PKD1L1: variants seen among roughly 807,000 people sequenced by gnomAD.
The protein encoded by PKD1L1 is polycystin 1 like 1, transient receptor potential channel interacting, also known as polycystin-1-like protein 1.
A neutral mutation model predicts 323.4 loss-of-function variants in PKD1L1; 236 were observed. The observed-to-expected ratio is 0.73, with a 90% CI of 0.66 to 0.81. The LOEUF is 0.81. Ranked by LOEUF, PKD1L1 falls within the 40% of genes least tolerant of loss-of-function variation. The probability of loss-of-function intolerance (pLI) is 0.00; values close to 1 mark genes in which losing one functional copy is unlikely to be tolerated. For missense variants in PKD1L1, 3,320 were observed against 3,508.0 expected, an observed-to-expected ratio of 0.95 and a Z score of 1.35; for synonymous variants, 1,344 against 1,335.0, an observed-to-expected ratio of 1.01 and a Z score of -0.15.
chr7:47,865,980 T>C (rs1441932213), intron 25 of PKD1L1, among the ~76,000 whole-genome samples: 2 of 152,212 alleles, frequency 1.3e-5, no homozygotes, highest in Non-Finnish European at 2.9e-5. Context: ...TGAAATAAGA[T>C]ATATTCTTTG....
intron 14 of PKD1L1, among the ~76,000 whole-genome samples, chr7:47,895,072 A>T (rs1435529282): frequency 6.6e-6 from 1 of 152,130 alleles, no homozygotes; most frequent in Non-Finnish European, 1.5e-5. Flanking sequence ...CTCCAGCTCC[A>T]AGGAGCTGCT....
chr7:47,902,385 T>G lies in PKD1L1; in HGVS notation c.2058A>C (p.Lys686Asn). Residue 686 changes from lysine to asparagine, a missense_variant, in exon 13 of 57, where the codon AAA (lysine) becomes AAC (asparagine). By Grantham distance (94) the Lys-to-Asn change is moderately conservative. Transcript: ENST00000289672. ...PPLVKNMGPGKVQIWRSQPVR... is the reference protein window; with the variant it reads ...PPLVKNMGPGNVQIWRSQPVR... ...TCCCAGACTCCGAGCCTACCTGGAC[T>G]TTCCCAGGCCCCATGTTCTTCACCA... The G allele has an allele frequency of 6.2e-7, 1 of 1,614,100 alleles. No individual in the cohort carries two copies. The highest frequency in any genetic ancestry group is 8.5e-7 in the Non-Finnish European group (1 of 1,179,986).
rs750076751 is a variant in PKD1L1 at position 47,827,443 on chromosome 7, C to T, written c.6761G>A (p.Arg2254His). Reference protein sequence around the residue: ...EKVLAARQQARHLRWAHPPSK... With the variant: ...EKVLAARQQAHHLRWAHPPSK... Reference sequence around the variant, plus strand: ...TGGTGGATGCGCCCAGCGCAGGTGGCGAGCTTGTTGTCGGGCAGCCAAGAC... The same window carrying T: ...TGGTGGATGCGCCCAGCGCAGGTGGTGAGCTTGTTGTCGGGCAGCCAAGAC... Residue 2254 changes from arginine to histidine, a missense_variant, in exon 45 of 57, where the codon CGC becomes CAC. Transcript: ENST00000289672. 1.4e-5 allele frequency: 23 copies of T among 1,610,768 alleles called. No homozygotes were observed. The highest frequency in any genetic ancestry group is 9.3e-5 in the African/African-American group (7 of 74,926).
intron 54 of PKD1L1, among the ~76,000 whole-genome samples, chr7:47,796,437 C>T (rs975696454): frequency 6.6e-6 from 1 of 152,138 alleles, no homozygotes; most frequent in African/African-American, 2.4e-5. Flanking sequence ...GATGTGCATG[C>T]CCATATGTAA....
At chr7:47,915,743 T>C in intron 7 of PKD1L1, 144 bp from the exon 8 acceptor site, 1 of 535,250 alleles carries the variant, frequency 1.9e-6, no homozygotes, top group South Asian at 2.8e-5. Flanking sequence ...GAAAAAGAAA[T>C]ACAACGAAAT....
intron 41 of PKD1L1, 99 bp downstream of exon 41, chr7:47,832,991 C>T (rs1785378336): frequency 1.4e-6 from 2 of 1,432,842 alleles, no homozygotes; most frequent in African/African-American, 1.4e-5. Flanking sequence ...TATTCAGTGA[C>T]ATTTGGCCCA....
intron 15 of PKD1L1, among the ~76,000 whole-genome samples, chr7:47,892,115 T>C (rs967518304): frequency 6.6e-6 from 1 of 152,098 alleles, no homozygotes; most frequent in Non-Finnish European, 1.5e-5. Flanking sequence ...GCAGTGACCA[T>C]AGTAAGTGAG....
At chr7:47,820,315 T>G (rs745633102) in intron 46 of PKD1L1, among the ~76,000 whole-genome samples, 1 of 152,264 alleles carries the variant, frequency 6.6e-6, no homozygotes, top group Non-Finnish European at 1.5e-5. Flanking sequence ...GAAATTTTTC[T>G]GCTTTACACT....
chr7:47,797,629 G>A (rs547543128), intron 54 of PKD1L1, among the ~76,000 whole-genome samples: 22 of 152,286 alleles, frequency 1.4e-4, no homozygotes, highest in African/African-American at 5.3e-4. Context: ...GACATTCAAG[G>A]CCCTCCATTC....
intron 46 of PKD1L1, chr7:47,819,506 G>A: frequency 7.5e-7 from 1 of 1,338,222 alleles, no homozygotes; most frequent in South Asian, 1.2e-5. Context: ...TTTGCACACA[G>A]CACCACCTAC....
rs530644271 is a variant in PKD1L1 at position 47,787,892 on chromosome 7, G to A, written c.8526+4735C>T. Among the ~76,000 whole-genome samples the A allele has an allele frequency of 2.6e-5, 4 of 152,076 alleles. No individual in the cohort carries two copies. In the South Asian group the frequency reaches 6.2e-4, roughly 24 times the overall value. On this transcript the variant is annotated intron_variant, in intron 56 of 56. Coordinates refer to ENST00000289672, the MANE Select transcript of PKD1L1 (RefSeq NM_138295.5). ...ACACCTGGCTAATTTTGTATTTTTT[G>A]TACAGACAAGATCTCATCATGTTGC...
the PKD1L1 span, among the ~76,000 whole-genome samples, chr7:47,960,000 A>C: frequency 6.6e-6 from 1 of 151,600 alleles, no homozygotes; most frequent in African/African-American, 2.4e-5. Context: ...TGGACACGGG[A>C]GACTTTTCAT....
At chr7:47,880,529 G>C (rs573357046) in intron 21 of PKD1L1, among the ~76,000 whole-genome samples, 199 bp downstream of exon 21, 45 of 126,874 alleles carry the variant, frequency 3.5e-4, no homozygotes, top group Middle Eastern at 3.8e-3. Flanking sequence ...TGATCTGCCT[G>C]CCTCGGCCTC....
chr7:47,876,225 C>A lies in PKD1L1; in HGVS notation c.3664-8G>T. ...AAATTCATAATGGAAGTCCTATGAT[C>A]CAGTCCAAGGGAGCAAAAATAGTAT... On this transcript the variant is annotated splice_polypyrimidine_tract_variant and splice_region_variant and intron_variant, in intron 22 of 56. Coordinates refer to ENST00000289672, the MANE Select transcript of PKD1L1 (RefSeq NM_138295.5). 1 of 1,613,610 alleles carries A rather than the reference C, an allele frequency of 6.2e-7. No individual in the cohort carries two copies. The highest frequency in any genetic ancestry group is 1.1e-5 in the South Asian group (1 of 90,974).
chr7:47,782,865 C>A (rs889192143), intron 56 of PKD1L1, among the ~76,000 whole-genome samples: 1 of 152,162 alleles, frequency 6.6e-6, no homozygotes, highest in Non-Finnish European at 1.5e-5. Flanking sequence ...GTTAAGAGTG[C>A]AAAACCAGTG....
At chr7:47,820,705 T>C (rs964431705) in intron 46 of PKD1L1, among the ~76,000 whole-genome samples, 4 of 149,452 alleles carry the variant, frequency 2.7e-5, no homozygotes, top group African/African-American at 9.8e-5. Flanking sequence ...CCAGCCTGGG[T>C]GACAAGAGCA....
intron 54 of PKD1L1, among the ~76,000 whole-genome samples, chr7:47,796,999 CAA>C (rs10600940): frequency 0.72 from 92,639 of 129,194 alleles, 32,118 homozygotes; most frequent in Middle Eastern, 0.76. Flanking sequence ...GACTCCGTCT[CAA>C]AAAAAAAAAA....
chr7:47,932,140 G>A, intron 4 of PKD1L1, 84 bp from the exon 5 acceptor site: 1 of 1,510,920 alleles, frequency 6.6e-7, no homozygotes, highest in Admixed American at 2.1e-5. Context: ...TACAAATCAT[G>A]CCCTTCACCA....
chr7:47,931,983 G>A lies in PKD1L1; in HGVS notation c.472C>T (p.Leu158=). 1 of 1,614,080 alleles carries A rather than the reference G, an allele frequency of 6.2e-7. No homozygotes were observed. Among genetic ancestry groups the A allele is most frequent in the Non-Finnish European group, 8.5e-7 (1 of 1,179,954 alleles). ...CTGTCTGCGGTCCCAGTAGCACACA[G>A]CCGCCTGTGATGGAACCTGGGGCCA... ...SGGPRFHHRR[L]CATGTADSTF... is the part of the protein sequence containing the mutation. The change falls in exon 5 of 57, where the codon CTG becomes TTG. Residue 158 remains leucine, a synonymous_variant. Transcript: ENST00000289672.
Sources: allele counts gnomAD v4.1 joint callset (sites outside exome capture counted in the v4.1 genomes callset), GRCh38; gene constraint gnomAD v4.1.1; transcripts MANE v1.5; gene names NCBI Gene and HGNC (gene_info 2026-07-23, HGNC 2026-07-21).